The following CNOT4 variants were observed in gnomAD, a reference collection of about 807,000 sequenced individuals.
CNOT4 encodes CCR4-associated factor 4.
A neutral mutation model predicts 73.8 loss-of-function variants in CNOT4; 8 were observed. The observed-to-expected ratio is 0.11, with a 90% CI of 0.06 to 0.20. The LOEUF (loss-of-function observed/expected upper bound fraction) is 0.20, where lower values mean the gene tolerates loss of function less well. CNOT4 is among the 10% of genes least tolerant of loss of function. The pLI is 1.00. For synonymous variants in CNOT4, 293 were observed against 321.1 expected (o/e 0.91, Z 0.94); for missense variants, 564 against 883.4 (o/e 0.64, Z 4.58).
At chr7:135,415,079 AAGCTTTCTAATCAGAGAG>A (rs1478285242) in intron 4 of CNOT4, 79 bp downstream of exon 4, 7 of 753,426 alleles carry the variant, frequency 9.3e-6, no homozygotes, top group African/African-American at 8.9e-5. Flanking sequence ...CTTGTCCCTC[AAGCTTTCTAATCAGAGAG>A]AGCAAAGTTT....
intron 10 of CNOT4, among the ~76,000 whole-genome samples, chr7:135,393,095 T>G (rs1177259201): frequency 6.6e-6 from 1 of 152,144 alleles, no homozygotes; most frequent in African/African-American, 2.4e-5. Context: ...TTTTTTAACA[T>G]CATCTCTAAA....
chr7:135,492,403 G>A (rs1228913086), intron 1 of CNOT4, among the ~76,000 whole-genome samples: 1 of 152,138 alleles, frequency 6.6e-6, no homozygotes, highest in East Asian at 1.9e-4. Flanking sequence ...CAAGTGAGTT[G>A]AAGGCATATG....
intron 2 of CNOT4, among the ~76,000 whole-genome samples, chr7:135,428,284 G>A (rs1024328236): frequency 1.3e-5 from 2 of 152,090 alleles, no homozygotes; most frequent in African/African-American, 2.4e-5. Flanking sequence ...AGTCCTTGGG[G>A]AACCTTACAA....
intron 1 of CNOT4, among the ~76,000 whole-genome samples, chr7:135,440,338 T>G (rs1327592940): frequency 2.6e-5 from 4 of 151,696 alleles, no homozygotes; most frequent in Middle Eastern, 3.2e-3. Flanking sequence ...ACTTTTTTTT[T>G]TTTTTTACCC....
intron 3 of CNOT4, among the ~76,000 whole-genome samples, chr7:135,419,830 G>A (rs1798078486): frequency 6.6e-6 from 1 of 150,822 alleles, no homozygotes; most frequent in Admixed American, 6.6e-5. Context: ...ATCACTTGAG[G>A]TCAGGAGTTT....
chr7:135,422,228 C>T lies in CNOT4; in HGVS notation c.300G>A (p.Leu100=), dbSNP rs749099570. 1.2e-6 allele frequency: 2 copies of T among 1,609,942 alleles called. No homozygotes were observed. Among genetic ancestry groups the T allele is most frequent in the Admixed American group, 3.3e-5 (2 of 60,000 alleles). ...KQKISENRKH[L]ASVRVVQKNL... ...TTTTTTGTACGACACGTACACTAGC[C>T]AAATGTTTGCGATTTTCTGATATTT... The change falls in exon 3 of 12, where the codon TTG becomes TTA. Residue 100 remains leucine (L), a synonymous_variant. Coordinates refer to ENST00000541284, the MANE Select transcript of CNOT4 (RefSeq NM_001190850.2).
At chr7:135,492,520 T>C (rs1563081494) in intron 1 of CNOT4, among the ~76,000 whole-genome samples, 1 of 152,172 alleles carries the variant, frequency 6.6e-6, no homozygotes, top group East Asian at 1.9e-4. Context: ...ACAGTTTTAA[T>C]GACGGTGAGG....
At chr7:135,459,025 T>G (rs1282502789) in intron 1 of CNOT4, among the ~76,000 whole-genome samples, 1 of 152,064 alleles carries the variant, frequency 6.6e-6, no homozygotes, top group African/African-American at 2.4e-5. Context: ...CTACAGCAAC[T>G]ATAGCCTTAT....
At chr7:135,455,415 C>T (rs1479153260) in intron 1 of CNOT4, among the ~76,000 whole-genome samples, 1 of 152,010 alleles carries the variant, frequency 6.6e-6, no homozygotes, top group African/African-American at 2.4e-5. Context: ...TTTTACTAAT[C>T]TTGAAATTGC....
intron 7 of CNOT4, among the ~76,000 whole-genome samples, chr7:135,405,291 A>T (rs1797217479): frequency 6.6e-6 from 1 of 152,166 alleles, no homozygotes; most frequent in Non-Finnish European, 1.5e-5. Flanking sequence ...AAAGCCGAAC[A>T]TCTCCATTTC....
chr7:135,470,957 A>C (rs1220212677), intron 1 of CNOT4, among the ~76,000 whole-genome samples: 2 of 152,192 alleles, frequency 1.3e-5, no homozygotes, highest in Non-Finnish European at 2.9e-5. Flanking sequence ...AAGATTATGT[A>C]TTTCATTGTA....
At chr7:135,396,127 TTTTTTTTTGAGATG>T (rs1796675372) in intron 8 of CNOT4, among the ~76,000 whole-genome samples, 1 of 130,134 alleles carries the variant, frequency 7.7e-6, no homozygotes, top group Non-Finnish European at 1.6e-5. Context: ...TTTTTTTTTT[TTTTTTTTTGAGATG>T]GAGTCTCACT....
chr7:135,441,385 A>G (rs1178165333), intron 1 of CNOT4, among the ~76,000 whole-genome samples: 1 of 151,800 alleles, frequency 6.6e-6, no homozygotes, highest in Non-Finnish European at 1.5e-5. Context: ...TTGTGAATCT[A>G]TAATTATTTC....
rs1794686141 is a variant in CNOT4 at position 135,362,315 on chromosome 7, G to C, written c.*570C>G. The C allele has an allele frequency of 6.2e-6, 1 of 161,778 alleles. No homozygotes were observed. Among genetic ancestry groups the C allele is most frequent in the African/African-American group, 2.4e-5 (1 of 41,386 alleles). 10.0% of individuals were successfully genotyped at this position (161,778 alleles called of 1,614,324 possible). A position where few individuals can be genotyped will look rare whatever the true frequency, so the allele number is the denominator to read the frequency against. ...CCATCAACTTCCAATACATTCTTTT[G>C]CTTAATGACACAATCAAGTCCTTGC... On this transcript the variant is annotated 3_prime_UTR_variant, in exon 12 of 12. Transcript: ENST00000541284.
chr7:135,384,808 T>C, intron 10 of CNOT4: 1 of 733,966 alleles, frequency 1.4e-6, no homozygotes, highest in Non-Finnish European at 2.5e-6. Flanking sequence ...CTAGTTAGCA[T>C]CTTGTTTGTC....
At chr7:135,430,606 C>T (rs1798769507) in intron 2 of CNOT4, among the ~76,000 whole-genome samples, 1 of 152,066 alleles carries the variant, frequency 6.6e-6, no homozygotes, top group South Asian at 2.1e-4. Flanking sequence ...AATGAGGCCA[C>T]TGTACTCCAC....
At chr7:135,492,318 T>C (rs1803162848) in intron 1 of CNOT4, among the ~76,000 whole-genome samples, 2 of 152,178 alleles carry the variant, frequency 1.3e-5, no homozygotes, top group East Asian at 1.9e-4. Flanking sequence ...CAGATGTAGA[T>C]ATGAAGTACT....
chr7:135,449,258 T>A (rs375127224), intron 1 of CNOT4, among the ~76,000 whole-genome samples: 16 of 152,104 alleles, frequency 1.1e-4, no homozygotes, highest in African/African-American at 3.6e-4. Flanking sequence ...TGGCAAGGGG[T>A]GTATGGGGCA....
chr7:135,421,823 G>T (rs187225462), intron 3 of CNOT4, among the ~76,000 whole-genome samples: 11 of 152,238 alleles, frequency 7.2e-5, no homozygotes, highest in Non-Finnish European at 1.5e-4. Context: ...ACAGAAAAGA[G>T]AAAAGAAACA....
Sources: allele counts gnomAD v4.1 joint callset (sites outside exome capture counted in the v4.1 genomes callset), GRCh38; gene constraint gnomAD v4.1.1; transcripts MANE v1.5; gene names NCBI Gene and HGNC (gene_info 2026-07-23, HGNC 2026-07-21).